Variants in KDM6A observed in about 807,000 individuals in gnomAD.
KDM6A encodes lysine-specific demethylase 6A.
In KDM6A, 11 loss-of-function variants were observed where a neutral mutation model predicts 117.6. The observed-to-expected ratio is 0.09, with a 90% CI of 0.06 to 0.15. The LOEUF (loss-of-function observed/expected upper bound fraction) is 0.15, where lower values mean the gene tolerates loss of function less well. Ranked by LOEUF, KDM6A falls within the 10% of genes least tolerant of loss-of-function variation. The pLI is 1.00. For missense variants in KDM6A, 799 were observed against 1,077.3 expected (o/e 0.74, Z 3.62); for synonymous variants, 384 against 396.1 (o/e 0.97, Z 0.36).
rs2043958013 is a variant in KDM6A at position 45,053,809 on chromosome X, T to C, written c.749-20T>C. 5.2e-6 allele frequency: 6 copies of C among 1,164,375 alleles called. No homozygotes were observed. The highest frequency in any genetic ancestry group is 2.4e-4 in the Middle Eastern group (1 of 4,214). On this transcript the variant is annotated intron_variant, in intron 9 of 29. Coordinates refer to ENST00000611820, the MANE Select transcript of KDM6A (RefSeq NM_001291415.2). ...ACAATTAAGTCATTTATGTAAATTTTTTTAAATCATTTACTGTAGGTTGGA... is the reference window on the plus strand; with the variant it reads ...ACAATTAAGTCATTTATGTAAATTTCTTTAAATCATTTACTGTAGGTTGGA...
At chrX:44,898,157 G>A (rs1440233953) in intron 2 of KDM6A, among the ~76,000 whole-genome samples, 1 of 111,705 alleles carries the variant, frequency 9.0e-6, no homozygotes, top group Non-Finnish European at 1.9e-5. Context: ...CAAGAGAGAA[G>A]TAGGGAGGCT....
In KDM6A at chrX:45,020,598, A is replaced by G. The variant is rs370568454; in HGVS notation, c.444-12A>G. ...TAAAAAGTTAAGATATCTTATGTCT[A>G]TATTCTTTCAGGGCAATTAAAGCAT... On this transcript the variant is annotated splice_polypyrimidine_tract_variant and intron_variant, in intron 5 of 29. Coordinates refer to ENST00000611820, the MANE Select transcript of KDM6A (RefSeq NM_001291415.2). 1.3e-5 allele frequency: 16 copies of G among 1,205,544 alleles called. No individual in the cohort carries two copies. Among genetic ancestry groups the G allele is most frequent in the African/African-American group, 5.3e-5 (3 of 57,060 alleles).
At chrX:45,093,756 T>G (rs1018841479) in intron 27 of KDM6A, among the ~76,000 whole-genome samples, 1 of 111,660 alleles carries the variant, frequency 9.0e-6, no homozygotes, top group African/African-American at 3.3e-5. Context: ...TCCTTCCAGT[T>G]TATCATTAAA....
At chrX:45,045,551 A>G (rs1428936717) in intron 8 of KDM6A, among the ~76,000 whole-genome samples, 1 of 100,646 alleles carries the variant, frequency 9.9e-6, no homozygotes, top group Non-Finnish European at 2.0e-5. Context: ...CCACCACTGT[A>G]CTCCAGCCTG....
intron 2 of KDM6A, among the ~76,000 whole-genome samples, chrX:44,908,385 C>T (rs1390696250): frequency 1.8e-5 from 2 of 111,257 alleles, no homozygotes; most frequent in African/African-American, 6.5e-5. Flanking sequence ...CTTCTTTTTG[C>T]TGTACGTGTT....
intron 3 of KDM6A, among the ~76,000 whole-genome samples, chrX:44,966,015 T>G (rs2038989598): frequency 9.0e-6 from 1 of 111,631 alleles, no homozygotes; most frequent in African/African-American, 3.3e-5. Context: ...GACTTGAAAA[T>G]TAGGTTTACA....
intron 17 of KDM6A, among the ~76,000 whole-genome samples, chrX:45,064,807 G>A (rs750157863): frequency 4.5e-5 from 5 of 111,673 alleles, no homozygotes; most frequent in Non-Finnish European, 9.4e-5. Flanking sequence ...AGATTTTTAA[G>A]TTTATTCTTG....
chrX:44,983,142 T>G (rs2039995211), intron 4 of KDM6A, among the ~76,000 whole-genome samples: 1 of 111,719 alleles, frequency 9.0e-6, no homozygotes, highest in African/African-American at 3.2e-5. Context: ...TCTTTGGAAA[T>G]TTTACAAGTT....
rs2045142897 is a variant in KDM6A, at chrX:45,076,777, A to G, written c.2939A>G (p.Tyr980Cys). ...CCTCCAAGACCACCATCTTCACCATACCCTCCCTTGCCAAAGGACAAGTTG... is the reference window on the plus strand; with the variant it reads ...CCTCCAAGACCACCATCTTCACCATGCCCTCCCTTGCCAAAGGACAAGTTG... ...CPPPRPPSSP[Y>C]PPLPKDKLNP... The change falls in exon 19 of 30, where the codon TAC becomes TGC. Residue 980 changes from tyrosine to cysteine, a missense_variant. Transcript: ENST00000611820. 1 of 1,193,496 alleles carries G rather than the reference A, an allele frequency of 8.4e-7. No homozygotes were observed. The highest frequency in any genetic ancestry group is 1.1e-6 in the Non-Finnish European group (1 of 881,402).
chrX:44,936,784 C>T (rs1175157821), intron 2 of KDM6A, among the ~76,000 whole-genome samples: 2 of 111,974 alleles, frequency 1.8e-5, no homozygotes, highest in African/African-American at 6.5e-5. Flanking sequence ...TTTTGTTAAA[C>T]GAAATTTTGG....
intron 8 of KDM6A, among the ~76,000 whole-genome samples, chrX:45,045,016 A>G (rs2043466247): frequency 9.0e-6 from 1 of 111,639 alleles, no homozygotes; most frequent in Non-Finnish European, 1.9e-5. Context: ...AAATAAAGAA[A>G]AAAATTCCAG....
chrX:45,084,472 A>G (rs766595901), intron 24 of KDM6A, among the ~76,000 whole-genome samples: 1 of 111,765 alleles, frequency 8.9e-6, no homozygotes, highest in South Asian at 3.7e-4. Context: ...TGATGCAGCC[A>G]TGGTTTGAAA....
intron 17 of KDM6A, among the ~76,000 whole-genome samples, chrX:45,068,673 C>A (rs985446160): frequency 1.8e-5 from 2 of 108,922 alleles, no homozygotes; most frequent in Non-Finnish European, 3.8e-5. Context: ...TCAAGAGATC[C>A]TCCCACCTTG....
chrX:45,111,499 A>G lies in KDM6A; in HGVS notation c.*88A>G. ...CCACTGGTTTTTGTAGCTATCTCGT[A>G]AGGCTGCTGGCTGAAAACTGTGTCT... On this transcript the variant is annotated 3_prime_UTR_variant, in exon 30 of 30. Transcript: ENST00000611820. 2 of 832,252 alleles carry G rather than the reference A, an allele frequency of 2.4e-6. No homozygotes were observed. Among genetic ancestry groups the G allele is most frequent in the South Asian group, 4.1e-5 (2 of 48,546 alleles). The allele number at this position is 832,252 out of a possible 1,213,427, so 68.6% of individuals were successfully genotyped here.
Position 45,082,238 on chromosome X carries a change from G to T in KDM6A, c.3301-338G>T, listed in dbSNP as rs149035104. Among the ~76,000 whole-genome samples the T allele has an allele frequency of 5.9e-3, 652 of 110,339 alleles. 5 individuals are homozygous for T. Among genetic ancestry groups the T allele is most frequent in the African/African-American group, 0.02 (612 of 30,405 alleles). ...TAGACAGCTTGAGCACAGGAGACTA[G>T]CCTGGGCAACATGGCAAAACCCCAT... On this transcript the variant is annotated intron_variant, in intron 21 of 29. Coordinates refer to ENST00000611820, the MANE Select transcript of KDM6A (RefSeq NM_001291415.2).
Position 44,902,684 on chromosome X carries a change from G to A in KDM6A, c.225+28697G>A, listed in dbSNP as rs560402419. On this transcript the variant is annotated intron_variant, in intron 2 of 29. Transcript: ENST00000611820. ...ATTATAGGCGTGAGCCACAGTGCCC[G>A]GCCTATTTACATTATCTTTTATATT... Among the ~76,000 whole-genome samples, 5 of 112,033 alleles carry A rather than the reference G, an allele frequency of 4.5e-5. No homozygotes were observed. The South Asian group carries it at 1.1e-3, about 25-fold the overall frequency.
chrX:45,041,099 A>G (rs1253969346), intron 8 of KDM6A, among the ~76,000 whole-genome samples: 2 of 70,068 alleles, frequency 2.9e-5, no homozygotes, highest in Non-Finnish European at 5.2e-5. Flanking sequence ...CACCTCCCGG[A>G]CGGGGTGGCT....
intron 5 of KDM6A, among the ~76,000 whole-genome samples, chrX:45,017,444 CAACTCTTAACTCTA>C (rs2042012807): frequency 9.0e-6 from 1 of 111,429 alleles, no homozygotes; most frequent in Admixed American, 9.6e-5. Context: ...CCCACTCCCT[CAACTCTTAACTCTA>C]AACTCTTAAC....
chrX:45,015,904 A>G (rs2041941715), intron 5 of KDM6A, among the ~76,000 whole-genome samples: 1 of 111,692 alleles, frequency 9.0e-6, no homozygotes, highest in African/African-American at 3.3e-5. Flanking sequence ...GGTAGGGGAA[A>G]GAAAATAATC....
Sources: gnomAD v4.1 joint callset for allele counts (sites outside exome capture counted in the v4.1 genomes callset) on GRCh38, gnomAD v4.1.1 for gene constraint, MANE v1.5 for transcripts, NCBI Gene and HGNC (gene_info 2026-07-23, HGNC 2026-07-21) for gene names.